Variants in RASGRF2 observed in about 807,000 individuals in gnomAD.
RASGRF2 encodes Ras protein specific guanine nucleotide releasing factor 2.
In RASGRF2, 76 loss-of-function variants were observed where a neutral mutation model predicts 151.0. That is an observed-to-expected ratio of 0.50 (90% CI 0.42 to 0.61). The LOEUF (loss-of-function observed/expected upper bound fraction) is 0.61. Ranked by LOEUF, RASGRF2 falls within the 20% of genes least tolerant of loss-of-function variation. The probability of loss-of-function intolerance (pLI) is 0.00; values close to 1 mark genes in which losing one functional copy is unlikely to be tolerated. For missense variants in RASGRF2, 1,148 were observed against 1,564.6 expected (o/e 0.73, Z 4.49); for synonymous variants, 504 against 566.5 (o/e 0.89, Z 1.57).
intron 15 of RASGRF2, 133 bp downstream of exon 15, chr5:81,114,053 A>C (rs1753082661): frequency 1.0e-5 from 12 of 1,185,454 alleles, no homozygotes; most frequent in African/African-American, 1.6e-5. Context: ...AATGAGCTCA[A>C]TGGTTAGTTA....
At chr5:81,147,783 G>T (rs1754038941) in intron 17 of RASGRF2, among the ~76,000 whole-genome samples, 1 of 152,160 alleles carries the variant, frequency 6.6e-6, no homozygotes, top group Admixed American at 6.5e-5. Context: ...CTTGCTTCTT[G>T]TTTTTGAGAT....
At chr5:81,218,692 GT>G (rs537273658) in intron 25 of RASGRF2, among the ~76,000 whole-genome samples, 87 of 152,242 alleles carry the variant, frequency 5.7e-4, no homozygotes, top group Non-Finnish European at 9.4e-4. Flanking sequence ...CTCCTTTTTG[GT>G]TCCATATGAG....
intron 18 of RASGRF2, among the ~76,000 whole-genome samples, chr5:81,197,527 CAACT>C (rs1186381921): frequency 6.6e-6 from 1 of 151,038 alleles, no homozygotes; most frequent in Non-Finnish European, 1.5e-5. Flanking sequence ...ATCTGCCACC[CAACT>C]GAGGTACAAA....
intron 18 of RASGRF2, among the ~76,000 whole-genome samples, chr5:81,193,177 A>G (rs984917821): frequency 3.9e-5 from 6 of 152,224 alleles, no homozygotes; most frequent in African/African-American, 1.4e-4. Context: ...CCAATGTCCT[A>G]GAGTTCCCTT....
At chr5:81,134,008 C>T (rs927792780) in intron 17 of RASGRF2, among the ~76,000 whole-genome samples, 13 of 150,690 alleles carry the variant, frequency 8.6e-5, no homozygotes, top group African/African-American at 3.2e-4. Context: ...GGGGGTACAT[C>T]GTGGGATTCA....
intron 16 of RASGRF2, among the ~76,000 whole-genome samples, chr5:81,126,156 G>A (rs906331436): frequency 3.3e-5 from 5 of 152,236 alleles, no homozygotes; most frequent in African/African-American, 4.8e-5. Flanking sequence ...AAGCCTGAGC[G>A]AGGAGAAGCA....
intron 1 of RASGRF2, among the ~76,000 whole-genome samples, chr5:80,986,778 C>T (rs1748484122): frequency 6.6e-6 from 1 of 152,186 alleles, no homozygotes; most frequent in Non-Finnish European, 1.5e-5. Context: ...TAGGTGACCT[C>T]CACACCTCCT....
At position 81,207,346 on chromosome 5, in the gene RASGRF2, A is replaced by T. The variant is rs775315445; in HGVS notation, c.3068A>T (p.Tyr1023Phe). 4.3e-6 allele frequency: 7 copies of T among 1,612,816 alleles called. No individual in the cohort carries two copies. The Admixed American group carries it at 1.2e-4, about 27-fold the overall frequency. Residue 1023 changes from tyrosine (Y) to phenylalanine (F), a missense_variant, in exon 21 of 27, where the codon TAC becomes TTC. Coordinates refer to ENST00000265080, the MANE Select transcript of RASGRF2 (RefSeq NM_006909.3). Reference sequence around the variant, plus strand: ...CATGTCATTTTCAGAAGCATTCCCTACGAGTGAGTGCCACCCCCCACAGCA... The same window carrying T: ...CATGTCATTTTCAGAAGCATTCCCTTCGAGTGAGTGCCACCCCCCACAGCA... ...LDHVIFRSIP[Y>F]EEFLGQGWMK...
chr5:81,206,446 G>C (rs753336509), intron 19 of RASGRF2, among the ~76,000 whole-genome samples: 1 of 152,130 alleles, frequency 6.6e-6, no homozygotes, highest in South Asian at 2.1e-4. Flanking sequence ...GAAAGCCCAC[G>C]GTAGGGGATA....
At chr5:81,106,845 G>A (rs1752859884) in intron 12 of RASGRF2, among the ~76,000 whole-genome samples, 1 of 152,104 alleles carries the variant, frequency 6.6e-6, no homozygotes, top group Non-Finnish European at 1.5e-5. Flanking sequence ...TGATGCTCAC[G>A]ACTTACACGA....
chr5:81,024,328 C>T (rs941739092), intron 1 of RASGRF2, among the ~76,000 whole-genome samples: 2 of 133,758 alleles, frequency 1.5e-5, no homozygotes, highest in South Asian at 4.9e-4. Context: ...GGTGTGATCT[C>T]GGCTCACTGC....
intron 17 of RASGRF2, among the ~76,000 whole-genome samples, chr5:81,163,531 C>T (rs1423688756): frequency 6.6e-6 from 1 of 152,002 alleles, no homozygotes; most frequent in Non-Finnish European, 1.5e-5. Context: ...ACTCTGCAGA[C>T]CCCCCAAACT....
chr5:81,179,056 G>A (rs1378496366), intron 17 of RASGRF2, among the ~76,000 whole-genome samples: 1 of 152,194 alleles, frequency 6.6e-6, no homozygotes, highest in Non-Finnish European at 1.5e-5. Context: ...CTTTCAAGAG[G>A]TTTGCCACTG....
chr5:81,154,102 G>T (rs1754202179), intron 17 of RASGRF2, among the ~76,000 whole-genome samples: 1 of 152,096 alleles, frequency 6.6e-6, no homozygotes, highest in Non-Finnish European at 1.5e-5. Context: ...AGACATTTCA[G>T]CAATAATAAT....
At chr5:81,132,097 C>T (rs576253061) in intron 17 of RASGRF2, among the ~76,000 whole-genome samples, 45 of 152,276 alleles carry the variant, frequency 3.0e-4, no homozygotes, top group African/African-American at 1.1e-3. Context: ...ATTTGACACA[C>T]TATTTTTTTT....
chr5:80,995,379 C>CATATATATAT (rs751207758), intron 1 of RASGRF2, among the ~76,000 whole-genome samples: 8 of 132,338 alleles, frequency 6.0e-5, no homozygotes, highest in African/African-American at 2.1e-4. Context: ...AATGGAATTT[C>CATATATATAT]ATATATATAT....
intron 15 of RASGRF2, among the ~76,000 whole-genome samples, chr5:81,119,302 G>A (rs779899480): frequency 7.9e-5 from 12 of 152,254 alleles, no homozygotes; most frequent in Non-Finnish European, 1.2e-4. Context: ...CAGTTCTAGA[G>A]GCTGGCATCT....
At chr5:80,961,108 G>A in intron 1 of RASGRF2, 82 bp downstream of exon 1, 1 of 1,377,576 alleles carries the variant, frequency 7.3e-7, no homozygotes, top group Non-Finnish European at 9.4e-7. Flanking sequence ...TCAGGGGTCG[G>A]GGGTCGTGAA....
intron 1 of RASGRF2, among the ~76,000 whole-genome samples, chr5:81,026,390 CT>C (rs1467325114): frequency 6.6e-6 from 1 of 152,048 alleles, no homozygotes; most frequent in Non-Finnish European, 1.5e-5. Flanking sequence ...CCCAAGGAGC[CT>C]TTTTGCCTCT....
Sources: gnomAD v4.1 joint callset for allele counts (sites outside exome capture counted in the v4.1 genomes callset) on GRCh38, gnomAD v4.1.1 for gene constraint, MANE v1.5 for transcripts, NCBI Gene and HGNC (gene_info 2026-07-23, HGNC 2026-07-21) for gene names.